Variants in DOCK6 observed in about 807,000 individuals in gnomAD.
DOCK6 encodes the protein dedicator of cytokinesis 6.
Under a neutral mutation model 230.3 loss-of-function variants are expected in DOCK6, and 167 were observed. That is an observed-to-expected ratio of 0.73 (90% CI 0.64 to 0.82). DOCK6 has a LOEUF of 0.82. Among genes scored for constraint, DOCK6 ranks in the 40% least tolerant of loss-of-function variants. DOCK6 has a pLI of 0.00. For missense variants in DOCK6, 2,598 were observed against 2,825.8 expected, an observed-to-expected ratio of 0.92 and a Z score of 1.83; for synonymous variants, 1,148 against 1,185.0, an observed-to-expected ratio of 0.97 and a Z score of 0.64.
intron 1 of DOCK6, among the ~76,000 whole-genome samples, chr19:11,256,137 G>C (rs762441762): frequency 7.9e-5 from 12 of 152,256 alleles, no homozygotes; most frequent in East Asian, 3.9e-4. Flanking sequence ...TGACTGGGGG[G>C]GTTGAGAAAA....
intron 22 of DOCK6, among the ~76,000 whole-genome samples, chr19:11,229,593 G>A (rs911842351): frequency 6.6e-6 from 1 of 152,098 alleles, no homozygotes; most frequent in East Asian, 1.9e-4. Context: ...ATGGGCCGGC[G>A]TGGGTTGGGA....
chr19:11,213,865 T>C (rs2079435313), intron 34 of DOCK6, among the ~76,000 whole-genome samples: 1 of 150,232 alleles, frequency 6.7e-6, no homozygotes, highest in Non-Finnish European at 1.5e-5. Flanking sequence ...GGCACGATCA[T>C]GGCTCACTGT....
chr19:11,241,895 C>T, intron 14 of DOCK6, 150 bp downstream of exon 14: 1 of 1,251,476 alleles, frequency 8.0e-7, no homozygotes, highest in South Asian at 1.4e-5. Flanking sequence ...AGGACATGTA[C>T]CCTTTCATGC....
intron 6 of DOCK6, 102 bp downstream of exon 6, chr19:11,250,772 A>G (rs1020839532): frequency 7.8e-6 from 9 of 1,148,610 alleles, no homozygotes; most frequent in African/African-American, 4.6e-5. Context: ...ATACAGGTGT[A>G]TATAGTAGAT....
chr19:11,204,917 C>A (rs1484085750), intron 39 of DOCK6, among the ~76,000 whole-genome samples: 1 of 152,206 alleles, frequency 6.6e-6, no homozygotes, highest in Non-Finnish European at 1.5e-5. Flanking sequence ...TCTGTCTTCC[C>A]TCATTGATGG....
chr19:11,200,117 C>CTCCAG lies in DOCK6; in HGVS notation c.6101+186_6101+190dup, dbSNP rs1487574623. On this transcript the variant is annotated intron_variant, in intron 47 of 47. Coordinates refer to ENST00000294618, the MANE Select transcript of DOCK6 (RefSeq NM_020812.4). This position sits in a 1 kb window ranked among gnomAD's most constrained non-coding sequence, Gnocchi z 4.3. ...GTGAGCCAAGACTGTGCCAACTGCA[C>CTCCAG]TCCAGCCTGGGCAACAGAGGGAGAG... Among the ~76,000 whole-genome samples the CTCCAG allele has an allele frequency of 3.3e-5, 5 of 149,404 alleles. No homozygotes were observed. The highest frequency in any genetic ancestry group is 1.2e-4 in the African/African-American group (5 of 40,224).
intron 1 of DOCK6, 60 bp downstream of exon 1, chr19:11,262,337 G>A (rs2080304787): frequency 3.7e-6 from 4 of 1,095,116 alleles, no homozygotes; most frequent in African/African-American, 1.7e-5. Context: ...GGGTCGCACC[G>A]CCCCGGGGCG....
chr19:11,252,802 G>C lies in DOCK6; in HGVS notation c.289C>G (p.Pro97Ala). Residue 97 changes from proline to alanine, a missense_variant, in exon 3 of 48, where the codon CCC (proline) becomes GCC (alanine). Transcript: ENST00000294618. ...ACCCACTCATCCTTGGGGATCCCGG[G>C]CTCCGTGGTCCGGCATTCCCGGGGC... ...LQPRECRTTE[P>A]GIPKDEKLDA... 6.2e-7 allele frequency: 1 copy of C among 1,611,914 alleles called. No homozygotes were observed. Among genetic ancestry groups the C allele is most frequent in the Non-Finnish European group, 8.5e-7 (1 of 1,178,728 alleles).
At chr19:11,210,966 T>C (rs2079373930) in intron 37 of DOCK6, among the ~76,000 whole-genome samples, 1 of 150,562 alleles carries the variant, frequency 6.6e-6, no homozygotes, top group African/African-American at 2.4e-5. Context: ...CTCACTTGTG[T>C]CCTCACCTGT....
At position 11,221,892 on chromosome 19, in the gene DOCK6, G is replaced by T. The variant is rs771086186; in HGVS notation, c.3509C>A (p.Ser1170Ter). 1 of 1,613,784 alleles carries T rather than the reference G, an allele frequency of 6.2e-7. No homozygotes were observed. The highest frequency in any genetic ancestry group is 2.2e-5 in the East Asian group (1 of 44,892). The change falls in exon 28 of 48, where the codon TCG (serine) becomes TAG (stop). Residue 1170 changes from serine (S) to a stop codon, truncating the protein, a stop_gained. Coordinates refer to ENST00000294618, the MANE Select transcript of DOCK6 (RefSeq NM_020812.4). LOFTEE classifies it high-confidence loss of function. Reference sequence around the variant, plus strand: ...CCGTGGCAAGGTATCCCGTGCAATCGATAGCAGTGGCAGGTACAGCTCGGC... The same window carrying T: ...CCGTGGCAAGGTATCCCGTGCAATCTATAGCAGTGGCAGGTACAGCTCGGC... The part of the protein sequence containing the change: ...RVAELYLPLL[S>*]IARDTLPRLH...
chr19:11,222,345 G>T lies in DOCK6; in HGVS notation c.3241-97C>A. On this transcript the variant is annotated intron_variant, in intron 26 of 47. Transcript: ENST00000294618. This position sits in a 1 kb window ranked among gnomAD's most constrained non-coding sequence, Gnocchi z 4.0. Reference sequence around the variant, plus strand: ...TCTTGGAGGTGACAGAAATCATGGTGCCAATAGCCACAGATGAAAGACTGA... The same window carrying T: ...TCTTGGAGGTGACAGAAATCATGGTTCCAATAGCCACAGATGAAAGACTGA... 6.9e-7 allele frequency: 1 copy of T among 1,458,508 alleles called. No homozygotes were observed. The highest frequency in any genetic ancestry group is 9.3e-7 in the Non-Finnish European group (1 of 1,078,580). The allele number at this position is 1,458,508 out of a possible 1,614,324, so 90.3% of individuals were successfully genotyped here.
chr19:11,262,381 C>T lies in DOCK6; in HGVS notation c.44+16G>A. 7.8e-7 allele frequency: 1 copy of T among 1,277,924 alleles called. No homozygotes were observed. 79.2% of individuals were successfully genotyped at this position (1,277,924 alleles called of 1,614,324 possible). A position where few individuals can be genotyped will look rare whatever the true frequency, so the allele number is the denominator to read the frequency against. ...CCACGTGGGGGAGGTGGGAGGGGGCCCCGCGGCCACACTACCTGTTGATCT... is the reference window on the plus strand; with the variant it reads ...CCACGTGGGGGAGGTGGGAGGGGGCTCCGCGGCCACACTACCTGTTGATCT... On this transcript the variant is annotated intron_variant, in intron 1 of 47. Transcript: ENST00000294618.
chr19:11,210,891 A>C (rs1600862071), intron 37 of DOCK6, among the ~76,000 whole-genome samples: 3 of 134,680 alleles, frequency 2.2e-5, no homozygotes, highest in East Asian at 2.2e-4. Context: ...TGACTTCTTT[A>C]CCTCCTGACC....
chr19:11,262,282 G>A (rs2080303605), intron 1 of DOCK6, 115 bp downstream of exon 1: 1 of 692,898 alleles, frequency 1.4e-6, no homozygotes, highest in Non-Finnish European at 1.9e-6. Flanking sequence ...GGCGGGACCC[G>A]GGCCGAGGCG....
Position 11,242,034 on chromosome 19 carries a change from A to C in DOCK6, c.1643+11T>G. 3.2e-6 allele frequency: 5 copies of C among 1,566,184 alleles called. No individual in the cohort carries two copies. Among genetic ancestry groups the C allele is most frequent in the Non-Finnish European group, 4.3e-6 (5 of 1,165,308 alleles). On this transcript the variant is annotated intron_variant, in intron 14 of 47. Transcript: ENST00000294618. ...CCATTCAAGTGCCCAGCTGGGCCCC[A>C]GAGGCCGTACCTGTAGCTGGTATGG...
chr19:11,206,994 C>T (rs1289631004), intron 39 of DOCK6, among the ~76,000 whole-genome samples: 1 of 151,928 alleles, frequency 6.6e-6, no homozygotes, highest in African/African-American at 2.4e-5. Flanking sequence ...GCCACCATGC[C>T]CAGCTAATTT....
intron 1 of DOCK6, among the ~76,000 whole-genome samples, chr19:11,254,631 G>A (rs1173382752): frequency 2.0e-5 from 3 of 151,298 alleles, no homozygotes; most frequent in African/African-American, 7.3e-5. Flanking sequence ...GCAATGAGTC[G>A]AGATCGCGCC....
chr19:11,258,194 C>G (rs1414054956), intron 1 of DOCK6, among the ~76,000 whole-genome samples: 1 of 152,124 alleles, frequency 6.6e-6, no homozygotes, highest in Non-Finnish European at 1.5e-5. Context: ...AATGGCCCAG[C>G]TGAGCCTTCC....
In DOCK6 at chr19:11,202,843, G is replaced by T. The variant is rs2079194083; in HGVS notation, c.5236-134C>A. 7.0e-7 allele frequency: 1 copy of T among 1,423,116 alleles called. No individual in the cohort carries two copies. Among genetic ancestry groups the T allele is most frequent in the South Asian group, 1.2e-5 (1 of 85,276 alleles). The allele number at this position is 1,423,116 out of a possible 1,614,324, so 88.2% of individuals were successfully genotyped here. A position where few individuals can be genotyped will look rare whatever the true frequency, so the allele number is the denominator to read the frequency against. On this transcript the variant is annotated intron_variant, in intron 41 of 47. Coordinates refer to ENST00000294618, the MANE Select transcript of DOCK6 (RefSeq NM_020812.4). This position sits in a 1 kb window ranked among gnomAD's most constrained non-coding sequence, Gnocchi z 5.3. ...AACATCAGGGCATGGGCACAGGCAG[G>T]GGGCCCTGAGAACATTGGGGCATGG...
Sources: allele counts gnomAD v4.1 joint callset (sites outside exome capture counted in the v4.1 genomes callset), GRCh38; gene constraint gnomAD v4.1.1; non-coding constraint Gnocchi (gnomAD v3.1); transcripts MANE v1.5; gene names NCBI Gene and HGNC (gene_info 2026-07-23, HGNC 2026-07-21).